SMAD3: variants seen among roughly 807,000 people sequenced by gnomAD.
The protein encoded by SMAD3 is MAD homolog 3.
Under a neutral mutation model 51.8 loss-of-function variants are expected in SMAD3, and 12 were observed. The observed-to-expected ratio is 0.23, with a 90% confidence interval of 0.15 to 0.38. The LOEUF (loss-of-function observed/expected upper bound fraction) is 0.38. SMAD3 is among the 10% of genes least tolerant of loss of function. SMAD3 has a pLI of 1.00. For missense variants in SMAD3, 294 were observed against 565.6 expected, an observed-to-expected ratio of 0.52 and a Z score of 4.87; for synonymous variants, 238 against 227.7, an observed-to-expected ratio of 1.05 and a Z score of -0.41.
chr15:67,187,227 A>T, intron 7 of SMAD3, 138 bp from the exon 8 acceptor site: 1 of 1,007,832 alleles, frequency 9.9e-7, no homozygotes, highest in Non-Finnish European at 1.6e-6. Flanking sequence ...GTGTGTGGCA[A>T]ATGCATCACA....
chr15:67,170,205 G>T (rs1962709093), intron 4 of SMAD3, among the ~76,000 whole-genome samples: 2 of 152,214 alleles, frequency 1.3e-5, no homozygotes, highest in South Asian at 4.1e-4. Flanking sequence ...AATAGGGCAG[G>T]TGGTGTAAGC....
chr15:67,073,590 G>A (rs1960103555), intron 1 of SMAD3, among the ~76,000 whole-genome samples: 1 of 152,208 alleles, frequency 6.6e-6, no homozygotes, highest in African/African-American at 2.4e-5. Flanking sequence ...GGCCTCGAAT[G>A]TTCTCAACTG....
At chr15:67,184,929 G>T in intron 7 of SMAD3, 65 bp downstream of exon 7, 1 of 1,593,868 alleles carries the variant, frequency 6.3e-7, no homozygotes, top group Non-Finnish European at 8.6e-7. Flanking sequence ...TAGGATGCTG[G>T]AGAGAGTCCA....
At chr15:67,134,991 C>A (rs1225768177) in intron 1 of SMAD3, among the ~76,000 whole-genome samples, 1 of 152,134 alleles carries the variant, frequency 6.6e-6, no homozygotes, top group Non-Finnish European at 1.5e-5. Flanking sequence ...CAGGGTCCTG[C>A]TGGGGAGATG....
At chr15:67,071,389 C>G (rs1960049670) in intron 1 of SMAD3, among the ~76,000 whole-genome samples, 1 of 152,186 alleles carries the variant, frequency 6.6e-6, no homozygotes, top group East Asian at 1.9e-4. Flanking sequence ...TATTTTACTC[C>G]ACTGTAAAGC....
chr15:67,184,947 C>T, intron 7 of SMAD3, 83 bp downstream of exon 7: 11 of 1,547,328 alleles, frequency 7.1e-6, no homozygotes, highest in African/African-American at 4.1e-5. Flanking sequence ...CCACCTTTCT[C>T]ACCTTTTCTG....
intron 5 of SMAD3, among the ~76,000 whole-genome samples, chr15:67,178,741 C>G (rs936948891): frequency 5.9e-5 from 9 of 151,928 alleles, no homozygotes; most frequent in Non-Finnish European, 1.2e-4. Context: ...TAGAATATAG[C>G]TTATCTCATT....
chr15:67,084,370 C>T (rs112946318), intron 1 of SMAD3, among the ~76,000 whole-genome samples: 2,969 of 151,970 alleles, frequency 0.02, 98 homozygotes, highest in African/African-American at 0.068. Flanking sequence ...CATGAGCCAC[C>T]GTGCCTGGCC....
chr15:67,125,838 G>A (rs1595914388), intron 1 of SMAD3: 1 of 985,312 alleles, frequency 1.0e-6, no homozygotes, highest in Non-Finnish European at 1.2e-6. Context: ...ATGTGGGCAA[G>A]AGCCGCGGCA....
chr15:67,192,355 CGAA>C lies in SMAD3; in HGVS notation c.*1821_*1823del, dbSNP rs1567007129. ...CTTGACAGACTTGTGTGAGTCTTCT[CGAA>C]GGAGGGTTGACTCAGAACCCAGAGA... On this transcript the variant is annotated 3_prime_UTR_variant, in exon 9 of 9. Coordinates refer to ENST00000327367, the MANE Select transcript of SMAD3 (RefSeq NM_005902.4). The C allele has an allele frequency of 4.3e-6, 1 of 232,982 alleles. No individual in the cohort carries two copies. Among genetic ancestry groups the C allele is most frequent in the Admixed American group, 5.6e-5 (1 of 17,754 alleles). 14.4% of individuals were successfully genotyped at this position (232,982 alleles called of 1,614,324 possible).
intron 1 of SMAD3, among the ~76,000 whole-genome samples, chr15:67,152,389 T>C (rs1229541177): frequency 2.0e-5 from 3 of 152,196 alleles, no homozygotes; most frequent in Non-Finnish European, 4.4e-5. Context: ...GTTGGCTACA[T>C]GAACAGGCCT....
chr15:67,135,430 CT>C (rs1294021370), intron 1 of SMAD3, among the ~76,000 whole-genome samples: 1 of 152,178 alleles, frequency 6.6e-6, no homozygotes, highest in Non-Finnish European at 1.5e-5. Context: ...TCAAAACACC[CT>C]TTTTCATTGT....
At chr15:67,139,414 C>T (rs1487534679) in intron 1 of SMAD3, among the ~76,000 whole-genome samples, 4 of 152,200 alleles carry the variant, frequency 2.6e-5, no homozygotes, top group African/African-American at 9.7e-5. Context: ...CTCTACCCCT[C>T]CTCCCTCAAT....
intron 1 of SMAD3, among the ~76,000 whole-genome samples, chr15:67,137,297 A>G (rs1595921533): frequency 6.6e-6 from 1 of 152,216 alleles, no homozygotes; most frequent in Admixed American, 6.5e-5. Context: ...TTGATTTAGT[A>G]CCACAGCCAT....
At chr15:67,103,504 G>A (rs118093707) in intron 1 of SMAD3, among the ~76,000 whole-genome samples, 1 of 152,346 alleles carries the variant, frequency 6.6e-6, no homozygotes, top group East Asian at 1.9e-4. Context: ...GGCTGGGTGG[G>A]TCTGGCCCAG....
intron 1 of SMAD3, among the ~76,000 whole-genome samples, chr15:67,116,691 A>G (rs1254801443): frequency 6.6e-6 from 1 of 152,200 alleles, no homozygotes; most frequent in Non-Finnish European, 1.5e-5. Flanking sequence ...TGGGACCTAA[A>G]TGGGCACAGT....
At chr15:67,125,578 A>T in intron 1 of SMAD3, 1 of 395,296 alleles carries the variant, frequency 2.5e-6, no homozygotes, top group Non-Finnish European at 3.4e-6. Context: ...GGGCCTTTTC[A>T]CTTTAATAGC....
intron 1 of SMAD3, among the ~76,000 whole-genome samples, chr15:67,066,814 C>A (rs1224774496): frequency 6.6e-6 from 1 of 152,224 alleles, no homozygotes; most frequent in Admixed American, 6.5e-5. Flanking sequence ...AGTCGGGTCT[C>A]CCCACTTTCC....
chr15:67,161,031 C>A (rs980212717), intron 1 of SMAD3, among the ~76,000 whole-genome samples: 3 of 151,772 alleles, frequency 2.0e-5, no homozygotes, highest in Non-Finnish European at 2.9e-5. Context: ...ATTGTCTATC[C>A]CAAAAAGTCA....
Sources: allele counts gnomAD v4.1 joint callset (sites outside exome capture counted in the v4.1 genomes callset), GRCh38; gene constraint gnomAD v4.1.1; transcripts MANE v1.5; gene names NCBI Gene and HGNC (gene_info 2026-07-23, HGNC 2026-07-21).